The following CPSF6 variants were observed in gnomAD, a reference collection of about 807,000 sequenced individuals.
CPSF6 encodes cleavage and polyadenylation specific factor 6.
A neutral mutation model predicts 56.7 loss-of-function variants in CPSF6; 10 were observed. That is an observed-to-expected ratio of 0.18 (90% confidence interval 0.11 to 0.30). The LOEUF is 0.30. Among genes scored for constraint, CPSF6 ranks in the 10% least tolerant of loss-of-function variants. CPSF6 has a pLI of 1.00. For synonymous variants in CPSF6, 248 were observed against 244.8 expected (o/e 1.01, Z -0.12); for missense variants, 419 against 722.9 (o/e 0.58, Z 4.82).
At chr12:69,252,055 T>A in intron 2 of CPSF6, 1 of 455,890 alleles carries the variant, frequency 2.2e-6, no homozygotes, top group Non-Finnish European at 4.4e-6. Flanking sequence ...ACTGTATTTT[T>A]AAACGTTTTA....
intron 3 of CPSF6, among the ~76,000 whole-genome samples, chr12:69,256,120 A>G (rs1872498007): frequency 6.6e-6 from 1 of 152,216 alleles, no homozygotes. Flanking sequence ...AAGGCTGGTC[A>G]CAAGGGACCT....
chr12:69,271,795 C>T lies in CPSF6; in HGVS notation c.*2287C>T, dbSNP rs541492611. On this transcript the variant is annotated 3_prime_UTR_variant, in exon 10 of 10. Transcript: ENST00000435070. ...GGCCTTGTTTTGTTCTTCATACCCC[C>T]TTCAGTTGTTTATGGGTTAATGTTA... 1.3e-5 allele frequency: 2 copies of T among 151,734 alleles called. No individual in the cohort carries two copies. The highest frequency in any genetic ancestry group is 1.9e-4 in the East Asian group (1 of 5,182). 9.4% of individuals were successfully genotyped at this position (151,734 alleles called of 1,614,324 possible).
intron 3 of CPSF6, 43 bp from the exon 4 acceptor site, chr12:69,256,654 A>G: frequency 1.9e-6 from 3 of 1,549,034 alleles, no homozygotes; most frequent in Non-Finnish European, 2.6e-6. Flanking sequence ...AATAATATTG[A>G]TCTCTTTTTA....
intron 1 of CPSF6, among the ~76,000 whole-genome samples, chr12:69,243,061 C>T (rs1372077941): frequency 1.3e-5 from 2 of 151,908 alleles, no homozygotes; most frequent in African/African-American, 4.8e-5. Context: ...GAGCCAAGAT[C>T]GGGCCACTGC....
rs1872775066 is a variant in CPSF6, at chr12:69,262,298, T to G, written c.1470-75T>G. On this transcript the variant is annotated intron_variant, in intron 8 of 9. Transcript: ENST00000435070. Reference sequence around the variant, plus strand: ...AAGAATTTTTGCTGCCTAAGTTTTTTTAGACATCAAAAAATTGAATATTTT... The same window carrying G: ...AAGAATTTTTGCTGCCTAAGTTTTTGTAGACATCAAAAAATTGAATATTTT... 4 of 1,433,048 alleles carry G rather than the reference T, an allele frequency of 2.8e-6. No individual in the cohort carries two copies. The Admixed American group carries it at 9.3e-5, about 33-fold the overall frequency. 88.8% of individuals were successfully genotyped at this position (1,433,048 alleles called of 1,614,324 possible).
rs763583288 is a variant in CPSF6 at position 69,239,619 on chromosome 12, C to T, written c.-28C>T. On this transcript the variant is annotated 5_prime_UTR_variant, in exon 1 of 10. Transcript: ENST00000435070. ...CGGGCAGACCTGCAGGAGGCGGCGG[C>T]GGCGGCGGCGGCCGAGGCTGAAGGA... 6.5e-6 allele frequency: 10 copies of T among 1,549,814 alleles called. 1 individual carries two copies. Among genetic ancestry groups the T allele is most frequent in the Non-Finnish European group, 7.0e-6 (8 of 1,150,844 alleles).
chr12:69,253,159 G>GTTT lies in CPSF6; in HGVS notation c.374+13_374+15dup. On this transcript the variant is annotated splice_donor_region_variant and intron_variant, in intron 3 of 9. Coordinates refer to ENST00000435070, the MANE Select transcript of CPSF6 (RefSeq NM_007007.3). ...GGCAAATGGCCAGTCAAAGGGGTAA[G>GTTT]TTTTTTTTTTCTTTCTTTTTGATTT... The GTTT allele has an allele frequency of 3.9e-6, 5 of 1,265,924 alleles. No homozygotes were observed. Among genetic ancestry groups the GTTT allele is most frequent in the East Asian group, 5.4e-5 (2 of 37,324 alleles). 78.4% of individuals were successfully genotyped at this position (1,265,924 alleles called of 1,614,324 possible).
At chr12:69,240,137 C>G (rs897774828) in intron 1 of CPSF6, among the ~76,000 whole-genome samples, 2 of 151,692 alleles carry the variant, frequency 1.3e-5, no homozygotes, top group African/African-American at 4.8e-5. Context: ...CGCGTGCCCG[C>G]CGCCGCCGCC....
intron 1 of CPSF6, among the ~76,000 whole-genome samples, chr12:69,242,946 C>T (rs1871702366): frequency 6.6e-6 from 1 of 151,912 alleles, no homozygotes; most frequent in South Asian, 2.1e-4. Flanking sequence ...CCATCTCTAT[C>T]AAAATACAAA....
At position 69,272,615 on chromosome 12, in the gene CPSF6, T is replaced by C. The variant is rs1592817285; in HGVS notation, c.*3107T>C. ...TCTAAAATGGCTCCAATTTTGTGTTTTAAGCTTCAGCTTAAGAGGAAGTTT... is the reference window on the plus strand; with the variant it reads ...TCTAAAATGGCTCCAATTTTGTGTTCTAAGCTTCAGCTTAAGAGGAAGTTT... On this transcript the variant is annotated 3_prime_UTR_variant, in exon 10 of 10. Coordinates refer to ENST00000435070, the MANE Select transcript of CPSF6 (RefSeq NM_007007.3). 6.6e-6 allele frequency: 1 copy of C among 151,924 alleles called. No homozygotes were observed. The highest frequency in any genetic ancestry group is 2.4e-5 in the African/African-American group (1 of 41,552). 9.4% of individuals were successfully genotyped at this position (151,924 alleles called of 1,614,324 possible).
chr12:69,244,331 G>T (rs943816699), intron 1 of CPSF6, among the ~76,000 whole-genome samples: 5 of 151,980 alleles, frequency 3.3e-5, no homozygotes, highest in Non-Finnish European at 7.4e-5. Flanking sequence ...TGCCTCCTGG[G>T]TTCAAGCAGT....
At chr12:69,252,963 G>T in intron 2 of CPSF6, 88 bp from the exon 3 acceptor site, 1 of 727,664 alleles carries the variant, frequency 1.4e-6, no homozygotes, top group South Asian at 2.1e-5. Context: ...TCTCTTTTAT[G>T]TCTCAAATTT....
At chr12:69,250,916 G>A (rs1872212757) in intron 1 of CPSF6, among the ~76,000 whole-genome samples, 2 of 152,166 alleles carry the variant, frequency 1.3e-5, no homozygotes, top group Non-Finnish European at 2.9e-5. Context: ...CAAGTGCTGG[G>A]ATTACAGGTG....
intron 1 of CPSF6, among the ~76,000 whole-genome samples, chr12:69,241,698 C>T (rs909899515): frequency 2.6e-5 from 4 of 152,120 alleles, no homozygotes; most frequent in Non-Finnish European, 5.9e-5. Context: ...CAATGAGGAA[C>T]TCCTTTTAAA....
At position 69,259,079 on chromosome 12, in the gene CPSF6, A is replaced by G. The variant is rs1253803757; in HGVS notation, c.1184A>G (p.Tyr395Cys). 16 of 1,600,964 alleles carry G rather than the reference A, an allele frequency of 1.0e-5. No individual in the cohort carries two copies. Among genetic ancestry groups the G allele is most frequent in the South Asian group, 2.2e-5 (2 of 91,042 alleles). ...CCTCCACCATATGATAGGGGTGACT[A>G]TGGCCCCCCTGGAAGGTAAGTTAGT... ...GRPPPYDRGD[Y>C]GPPGREMDTA... The change falls in exon 6 of 10, where the codon TAT becomes TGT. Residue 395 changes from tyrosine to cysteine, a missense_variant. Transcript: ENST00000435070.
In CPSF6 at chr12:69,271,611, C is replaced by T. The variant is rs1323724702; in HGVS notation, c.*2103C>T. 6.6e-6 allele frequency: 1 copy of T among 151,662 alleles called. No individual in the cohort carries two copies. The highest frequency in any genetic ancestry group is 1.5e-5 in the Non-Finnish European group (1 of 67,688). The allele number at this position is 151,662 out of a possible 1,614,324, so 9.4% of individuals were successfully genotyped here. A position where few individuals can be genotyped will look rare whatever the true frequency, so the allele number is the denominator to read the frequency against. ...TTGGCTGATCTCATTACATGACTTT[C>T]GTTACAGACAGTGTGAGTGTACTAG... On this transcript the variant is annotated 3_prime_UTR_variant, in exon 10 of 10. Transcript: ENST00000435070.
chr12:69,249,152 C>CGGTGGGGGGGGGGGGGGGG (rs1491257320), intron 1 of CPSF6, among the ~76,000 whole-genome samples: 1 of 16,616 alleles, frequency 6.0e-5, no homozygotes, highest in Admixed American at 7.7e-4. Flanking sequence ...CCCAGCTACT[C>CGGTGGGGGGGGGGGGGGGG]GGGGGGGGGG....
At chr12:69,254,918 A>T (rs1020569879) in intron 3 of CPSF6, 1 of 152,224 alleles carries the variant, frequency 6.6e-6, no homozygotes, top group African/African-American at 2.4e-5. Context: ...ATATGCCATA[A>T]AATGCAGGCT....
chr12:69,246,007 A>T (rs1350031464), intron 1 of CPSF6, among the ~76,000 whole-genome samples: 1 of 152,194 alleles, frequency 6.6e-6, no homozygotes, highest in South Asian at 2.1e-4. Flanking sequence ...GAATTGCTTG[A>T]ACCTGGGGGG....
Sources: allele counts gnomAD v4.1 joint callset (sites outside exome capture counted in the v4.1 genomes callset), GRCh38; gene constraint gnomAD v4.1.1; transcripts MANE v1.5; gene names NCBI Gene and HGNC (gene_info 2026-07-23, HGNC 2026-07-21).